Variants in BCAS3 observed in about 807,000 individuals in gnomAD.
The protein encoded by BCAS3 is BCAS3 microtubule associated cell migration factor.
A neutral mutation model predicts 116.1 loss-of-function variants in BCAS3; 53 were observed. The ratio of observed to expected loss-of-function variants is 0.46; its 90% CI spans 0.37 to 0.57. The LOEUF is 0.57. Ranked by LOEUF, BCAS3 falls within the 20% of genes least tolerant of loss-of-function variation. The pLI is 0.00. For missense variants in BCAS3, 917 were observed against 1,165.4 expected (o/e 0.79, Z 3.10); for synonymous variants, 391 against 408.2 (o/e 0.96, Z 0.51).
intron 22 of BCAS3, among the ~76,000 whole-genome samples, chr17:61,120,943 A>C (rs1190785851): frequency 6.6e-6 from 1 of 152,074 alleles, no homozygotes; most frequent in Non-Finnish European, 1.5e-5. Flanking sequence ...TATTAAGGAA[A>C]CCGGGACATT....
At chr17:61,350,162 T>C (rs1017905349) in intron 22 of BCAS3, among the ~76,000 whole-genome samples, 1 of 152,096 alleles carries the variant, frequency 6.6e-6, no homozygotes, top group Non-Finnish European at 1.5e-5. Context: ...GTGCCATGGC[T>C]CATGGCATTA....
At chr17:61,370,696 T>A (rs1395865936) in intron 23 of BCAS3, among the ~76,000 whole-genome samples, 2 of 152,172 alleles carry the variant, frequency 1.3e-5, no homozygotes, top group Non-Finnish European at 2.9e-5. Flanking sequence ...CTAAAACTAC[T>A]CCCATTTTAA....
chr17:60,944,248 A>C (rs898550985), intron 13 of BCAS3, among the ~76,000 whole-genome samples: 2 of 152,102 alleles, frequency 1.3e-5, no homozygotes, highest in African/African-American at 4.8e-5. Flanking sequence ...GAAGACACAG[A>C]TTACCAATAT....
intron 22 of BCAS3, among the ~76,000 whole-genome samples, chr17:61,272,514 C>G (rs8067826): frequency 0.19 from 28,734 of 150,998 alleles, 4,925 homozygotes; most frequent in African/African-American, 0.46. Flanking sequence ...GAGACCACAT[C>G]TGTGGTCTCA....
At position 61,388,822 on chromosome 17, in the gene BCAS3, C is replaced by T. The variant is rs1022497063; in HGVS notation, c.2594-3155C>T. ...CCTCCACTTCCCACACACACCCCTG[C>T]CTGCAGGGGGAGGAGCAGAAGGGGT... On this transcript the variant is annotated intron_variant, in intron 23 of 23. Coordinates refer to ENST00000407086, the MANE Select transcript of BCAS3 (RefSeq NM_017679.5). This position sits in a 1 kb window ranked among gnomAD's most constrained non-coding sequence, Gnocchi z 6.5. The T allele has an allele frequency of 2.4e-5, 25 of 1,036,190 alleles. No individual in the cohort carries two copies. Among genetic ancestry groups the T allele is most frequent in the Non-Finnish European group, 3.2e-5 (23 of 718,350 alleles). The allele number at this position is 1,036,190 out of a possible 1,614,324, so 64.2% of individuals were successfully genotyped here.
rs545423671 is a variant in BCAS3, at chr17:61,055,719, G to C, written c.2029+14827G>C. Reference sequence around the variant, plus strand: ...TTACTCTTCTAATTTTTTTTTCTCTGTTCTTACATGGTTTATAAATGGGCC... The same window carrying C: ...TTACTCTTCTAATTTTTTTTTCTCTCTTCTTACATGGTTTATAAATGGGCC... On this transcript the variant is annotated intron_variant, in intron 19 of 23. Transcript: ENST00000407086. 2.9e-4 allele frequency among the ~76,000 whole-genome samples: 44 copies of C among 151,946 alleles called. 1 individual carries two copies. In the South Asian group the frequency reaches 8.3e-3, roughly 29 times the overall value.
intron 6 of BCAS3, among the ~76,000 whole-genome samples, chr17:60,761,475 C>G (rs921145458): frequency 6.6e-6 from 1 of 151,906 alleles, no homozygotes; most frequent in Non-Finnish European, 1.5e-5. Flanking sequence ...TCTGTCCTTG[C>G]AATAGTTTGC....
At chr17:61,371,091 G>A (rs1359976449) in intron 23 of BCAS3, among the ~76,000 whole-genome samples, 4 of 152,326 alleles carry the variant, frequency 2.6e-5, no homozygotes, top group Admixed American at 2.0e-4. Context: ...CACCACATGT[G>A]ACACAGCAAT....
chr17:61,014,528 A>G (rs2145527609), intron 15 of BCAS3, among the ~76,000 whole-genome samples: 1 of 152,240 alleles, frequency 6.6e-6, no homozygotes, highest in Non-Finnish European at 1.5e-5. Flanking sequence ...TATTAAAAAA[A>G]TGAATACAAT....
At chr17:61,115,946 A>G (rs1311942910) in intron 22 of BCAS3, among the ~76,000 whole-genome samples, 1 of 151,704 alleles carries the variant, frequency 6.6e-6, no homozygotes, top group Non-Finnish European at 1.5e-5. Context: ...TTGTAGGGAC[A>G]TGGATGAAAT....
chr17:61,360,709 GA>G (rs1272189822), intron 22 of BCAS3, among the ~76,000 whole-genome samples: 1 of 152,192 alleles, frequency 6.6e-6, no homozygotes, highest in African/African-American at 2.4e-5. Flanking sequence ...CTCAACTTGA[GA>G]TCCTTAATTA....
chr17:60,686,988 C>G (rs1030274625), intron 3 of BCAS3, among the ~76,000 whole-genome samples: 8 of 151,994 alleles, frequency 5.3e-5, no homozygotes, highest in Non-Finnish European at 8.8e-5. Flanking sequence ...GAATAATTTG[C>G]TATAAATAAA....
At position 60,902,615 on chromosome 17, in the gene BCAS3, C is replaced by G. The variant is rs1356184312; in HGVS notation, c.739-5C>G. The G allele has an allele frequency of 1.2e-6, 2 of 1,600,920 alleles. No individual in the cohort carries two copies. Reference sequence around the variant, plus strand: ...GTTCTGCTTCTCTCTCTCTCTTTTTCTCAGTTGATTCGATGTCATCAGTCC... The same window carrying G: ...GTTCTGCTTCTCTCTCTCTCTTTTTGTCAGTTGATTCGATGTCATCAGTCC... On this transcript the variant is annotated splice_polypyrimidine_tract_variant and splice_region_variant and intron_variant, in intron 10 of 23. Transcript: ENST00000407086.
chr17:60,920,793 C>G lies in BCAS3; in HGVS notation c.994-3614C>G, dbSNP rs1368716513. ...GCTGAGGCAGGAGAATCGCTTGAAC[C>G]CAGGAGGCAGAGGTTGCAGTGAACC... On this transcript the variant is annotated intron_variant, in intron 12 of 23. Coordinates refer to ENST00000407086, the MANE Select transcript of BCAS3 (RefSeq NM_017679.5). 2.6e-5 allele frequency among the ~76,000 whole-genome samples: 4 copies of G among 151,950 alleles called. No homozygotes were observed. In the East Asian group the frequency reaches 7.7e-4, roughly 29 times the overall value.
chr17:61,369,766 A>G (rs909706147), intron 23 of BCAS3, among the ~76,000 whole-genome samples: 1 of 152,190 alleles, frequency 6.6e-6, no homozygotes, highest in Non-Finnish European at 1.5e-5. Context: ...TCATCATGCC[A>G]CTGTTCTCCC....
At chr17:60,853,058 A>G (rs9910365) in intron 7 of BCAS3, among the ~76,000 whole-genome samples, 28,645 of 152,170 alleles carry the variant, frequency 0.19, 3,283 homozygotes, top group African/African-American at 0.32. Flanking sequence ...GTCCTCCACC[A>G]TGCAAATGGG....
intron 5 of BCAS3, among the ~76,000 whole-genome samples, chr17:60,733,022 C>T (rs1296873213): frequency 6.6e-6 from 1 of 152,128 alleles, no homozygotes; most frequent in Non-Finnish European, 1.5e-5. Context: ...TAGACTGAAT[C>T]ATTCATTCAT....
chr17:61,338,915 A>C (rs1053271491), intron 22 of BCAS3, among the ~76,000 whole-genome samples: 49 of 149,262 alleles, frequency 3.3e-4, no homozygotes, highest in African/African-American at 7.9e-4. Flanking sequence ...AAAAAAAAAA[A>C]AGCAGAAAGG....
chr17:61,095,211 A>G lies in BCAS3; in HGVS notation c.2425+10647A>G, dbSNP rs1164817715. Among the ~76,000 whole-genome samples, 2 of 152,254 alleles carry G rather than the reference A, an allele frequency of 1.3e-5. No homozygotes were observed. The highest frequency in any genetic ancestry group is 3.8e-4 in the East Asian group (2 of 5,196). ...TTTCTTCGTGTACGTCAACCAAAAC[A>G]GCATATCAGAACAGATAGAATGCAA... On this transcript the variant is annotated intron_variant, in intron 22 of 23. Coordinates refer to ENST00000407086, the MANE Select transcript of BCAS3 (RefSeq NM_017679.5). This position sits in a 1 kb window ranked among gnomAD's most constrained non-coding sequence, Gnocchi z 4.7.
Sources: gnomAD v4.1 joint callset for allele counts (sites outside exome capture counted in the v4.1 genomes callset) on GRCh38, gnomAD v4.1.1 for gene constraint, Gnocchi (gnomAD v3.1) non-coding constraint, MANE v1.5 for transcripts, NCBI Gene and HGNC (gene_info 2026-07-23, HGNC 2026-07-21) for gene names.